Variants in KLHL18 observed in about 807,000 individuals in gnomAD.
KLHL18 encodes kelch-like protein 18.
A neutral mutation model predicts 58.5 loss-of-function variants in KLHL18; 38 were observed. The ratio of observed to expected loss-of-function variants is 0.65; its 90% CI spans 0.50 to 0.85. KLHL18 has a LOEUF of 0.85. Among genes scored for constraint, KLHL18 ranks in the 40% least tolerant of loss-of-function variants. The probability of loss-of-function intolerance (pLI) is 0.00; values close to 1 mark genes in which losing one functional copy is unlikely to be tolerated. For missense variants in KLHL18, 624 were observed against 778.4 expected (o/e 0.80, Z 2.36); for synonymous variants, 303 against 301.9 (o/e 1.00, Z -0.04).
chr3:47,317,525 T>C (rs1703483908), intron 1 of KLHL18, among the ~76,000 whole-genome samples: 2 of 152,036 alleles, frequency 1.3e-5, no homozygotes. Flanking sequence ...CAGGAAGAGT[T>C]CCAGTAGATA....
At chr3:47,319,584 G>A (rs1338458908) in intron 1 of KLHL18, 69 bp from the exon 2 acceptor site, 1 of 1,413,344 alleles carries the variant, frequency 7.1e-7, no homozygotes, top group Non-Finnish European at 9.7e-7. Context: ...GGCAGGGTGG[G>A]TTTTTTTGTT....
At chr3:47,317,303 G>A (rs1282581177) in intron 1 of KLHL18, among the ~76,000 whole-genome samples, 1 of 151,990 alleles carries the variant, frequency 6.6e-6, no homozygotes, top group Non-Finnish European at 1.5e-5. Flanking sequence ...TAGTAGAGAC[G>A]GGGTTTCACC....
Position 47,282,978 on chromosome 3 carries a change from G to T in KLHL18, c.13G>T (p.Gly5Cys). 6.2e-7 allele frequency: 1 copy of T among 1,610,706 alleles called. No homozygotes were observed. The highest frequency in any genetic ancestry group is 8.5e-7 in the Non-Finnish European group (1 of 1,178,820). Residue 5 changes from glycine (G) to cysteine (C), a missense_variant, in exon 1 of 10, where the codon GGC (glycine) becomes TGC (cysteine). By Grantham distance (159) the Gly-to-Cys change is radical. Coordinates refer to ENST00000232766, the MANE Select transcript of KLHL18 (RefSeq NM_025010.5). The stretch of plus-strand genomic sequence containing the variant: ...GCGGCCGGGGAAGATGGTGGAGGAC[G>T]GCGCGGAGGAGCTGGAGGATCTGGT... MVEDGAEELEDLVHF... is the reference protein window; with the variant it reads MVEDCAEELEDLVHF...
rs199973497 is a variant in KLHL18, at chr3:47,333,299, G to A, written c.743G>A (p.Arg248His). Residue 248 changes from arginine to histidine, a missense_variant, in exon 5 of 10, where the codon CGT becomes CAT. Coordinates refer to ENST00000232766, the MANE Select transcript of KLHL18 (RefSeq NM_025010.5). ...SDRVQQDDLV[R>H]CCHKCRDLVD... is the part of the protein sequence containing the mutation. ...AGAGTACAGCAGGATGACCTGGTGCGTTGCTGCCACAAATGCAGGTGAGTG... is the reference window on the plus strand; with the variant it reads ...AGAGTACAGCAGGATGACCTGGTGCATTGCTGCCACAAATGCAGGTGAGTG... 180 of 1,613,780 alleles carry A rather than the reference G, an allele frequency of 1.1e-4. No homozygotes were observed. In the East Asian group the frequency reaches 2.7e-3, roughly 25 times the overall value.
intron 4 of KLHL18, among the ~76,000 whole-genome samples, chr3:47,332,894 CAG>C (rs1379085476): frequency 6.6e-6 from 1 of 152,126 alleles, no homozygotes; most frequent in Non-Finnish European, 1.5e-5. Flanking sequence ...GGAAGGGAAA[CAG>C]GCATTTTGTT....
chr3:47,334,189 C>T lies in KLHL18; in HGVS notation c.762-494C>T, dbSNP rs530342956. Among the ~76,000 whole-genome samples, 3 of 152,104 alleles carry T rather than the reference C, an allele frequency of 2.0e-5. No homozygotes were observed. Among genetic ancestry groups the T allele is most frequent in the East Asian group, 1.9e-4 (1 of 5,180 alleles). On this transcript the variant is annotated intron_variant, in intron 5 of 9. Coordinates refer to ENST00000232766, the MANE Select transcript of KLHL18 (RefSeq NM_025010.5). The surrounding 1 kb of genome is among the most constrained non-coding windows in gnomAD (Gnocchi z 4.7). ...TTGAGGAGTTTGGACTTTATTCTGTCGGCAGTGGGTGGCTATTGAAGGTTC... is the reference window on the plus strand; with the variant it reads ...TTGAGGAGTTTGGACTTTATTCTGTTGGCAGTGGGTGGCTATTGAAGGTTC...
At chr3:47,317,002 A>T (rs1390309524) in intron 1 of KLHL18, among the ~76,000 whole-genome samples, 1 of 152,062 alleles carries the variant, frequency 6.6e-6, no homozygotes, top group Non-Finnish European at 1.5e-5. Flanking sequence ...ACAGGAAAAA[A>T]GTCTAAACTT....
At chr3:47,316,471 A>G (rs1286643314) in intron 1 of KLHL18, among the ~76,000 whole-genome samples, 2 of 115,788 alleles carry the variant, frequency 1.7e-5, no homozygotes, top group East Asian at 2.4e-4. Context: ...ATATATATAT[A>G]TGTATATATA....
intron 8 of KLHL18, 138 bp from the exon 9 acceptor site, chr3:47,342,581 T>C: frequency 1.5e-6 from 1 of 667,314 alleles, no homozygotes; most frequent in African/African-American, 1.8e-5. Context: ...CAGGGAGAAC[T>C]GTCAGAGAGG....
chr3:47,289,359 G>A (rs1299720333), intron 1 of KLHL18, among the ~76,000 whole-genome samples: 2 of 152,128 alleles, frequency 1.3e-5, no homozygotes, highest in East Asian at 1.9e-4. Context: ...TTTTTCCATG[G>A]GTGAAAGGTA....
chr3:47,307,683 C>T (rs1417135674), intron 1 of KLHL18, among the ~76,000 whole-genome samples: 1 of 152,162 alleles, frequency 6.6e-6, no homozygotes, highest in East Asian at 1.9e-4. Flanking sequence ...AGCCACTGCA[C>T]CTGGCCATTA....
At chr3:47,315,385 C>T (rs776983723) in intron 1 of KLHL18, among the ~76,000 whole-genome samples, 3 of 152,056 alleles carry the variant, frequency 2.0e-5, no homozygotes, top group Admixed American at 6.6e-5. Context: ...CCAGAGGCTC[C>T]GAATCAGGCA....
intron 1 of KLHL18, among the ~76,000 whole-genome samples, chr3:47,314,446 GCTAAGTGTT>G (rs1370981417): frequency 6.6e-6 from 1 of 151,968 alleles, no homozygotes; most frequent in Non-Finnish European, 1.5e-5. Flanking sequence ...CCAGGACCCC[GCTAAGTGTT>G]CTTAGCTCTT....
rs1428341820 is a variant in KLHL18 at position 47,333,244 on chromosome 3, C to A, written c.688C>A (p.Pro230Thr). ...LPELLSNIRL[P>T]LCRPQFLSDR... is the part of the protein sequence containing the mutation. ...TGAGCTGCTGTCCAATATCCGCCTG[C>A]CCCTCTGTCGGCCCCAGTTCCTTTC... The change falls in exon 5 of 10, where the codon CCC becomes ACC. Residue 230 changes from proline to threonine, a missense_variant. By Grantham distance (38) the Pro-to-Thr change is conservative (BLOSUM62 -1). Transcript: ENST00000232766. The A allele has an allele frequency of 2.9e-5, 46 of 1,614,028 alleles. No homozygotes were observed. Among genetic ancestry groups the A allele is most frequent in the Admixed American group, 1.3e-4 (8 of 59,994 alleles).
intron 1 of KLHL18, among the ~76,000 whole-genome samples, chr3:47,317,002 A>G (rs1390309524): frequency 6.6e-6 from 1 of 152,062 alleles, no homozygotes; most frequent in South Asian, 2.1e-4. Context: ...ACAGGAAAAA[A>G]GTCTAAACTT....
At chr3:47,313,986 A>G (rs143349226) in intron 1 of KLHL18, among the ~76,000 whole-genome samples, 3 of 152,250 alleles carry the variant, frequency 2.0e-5, no homozygotes, top group Non-Finnish European at 4.4e-5. Context: ...AGTCAGTGGC[A>G]TACAAAAGGA....
rs1703946367 is a variant in KLHL18, at chr3:47,334,762, CGCT to C, written c.847_849del (p.Cys283del). Reference sequence around the variant, plus strand: ...CCTGCCAGCTTTCAGAACCCGGCCACGCTGCTGCACATCCATCGCTGGACTTAT... The same window carrying C: ...CCTGCCAGCTTTCAGAACCCGGCCACGCTGCACATCCATCGCTGGACTTAT... On this transcript the variant is annotated inframe_deletion, in exon 6 of 10. Coordinates refer to ENST00000232766, the MANE Select transcript of KLHL18 (RefSeq NM_025010.5). This position sits in a 1 kb window ranked among gnomAD's most constrained non-coding sequence, Gnocchi z 4.7. 6.2e-7 allele frequency: 1 copy of C among 1,614,078 alleles called. No homozygotes were observed. The highest frequency in any genetic ancestry group is 8.5e-7 in the Non-Finnish European group (1 of 1,180,032).
At chr3:47,323,808 A>G (rs1703643696) in intron 3 of KLHL18, among the ~76,000 whole-genome samples, 1 of 152,114 alleles carries the variant, frequency 6.6e-6, no homozygotes, top group Non-Finnish European at 1.5e-5. Context: ...CCTGACTCAG[A>G]TCTGCCCTCC....
intron 1 of KLHL18, among the ~76,000 whole-genome samples, chr3:47,293,868 C>A (rs1321834443): frequency 1.3e-5 from 2 of 152,176 alleles, no homozygotes; most frequent in Non-Finnish European, 2.9e-5. Flanking sequence ...ACAGTTGAAA[C>A]TCTGGGATTG....
Sources: allele counts gnomAD v4.1 joint callset (sites outside exome capture counted in the v4.1 genomes callset), GRCh38; gene constraint gnomAD v4.1.1; non-coding constraint Gnocchi (gnomAD v3.1); transcripts MANE v1.5; gene names NCBI Gene and HGNC (gene_info 2026-07-23, HGNC 2026-07-21).